Variants in TFEC observed in about 807,000 individuals in gnomAD.
TFEC encodes the protein class E basic helix-loop-helix protein 34.
A neutral mutation model predicts 41.6 loss-of-function variants in TFEC; 31 were observed. The ratio of observed to expected loss-of-function variants is 0.74; its 90% CI spans 0.56 to 1.01. TFEC has a LOEUF of 1.01. Ranked by LOEUF, TFEC falls within the 50% of genes least tolerant of loss-of-function variation. The probability of loss-of-function intolerance (pLI) is 0.00; values close to 1 mark genes in which losing one functional copy is unlikely to be tolerated. For synonymous variants in TFEC, 143 were observed against 140.6 expected (o/e 1.02, Z -0.12); for missense variants, 402 against 404.1 (o/e 0.99, Z 0.04).
intron 1 of TFEC, among the ~76,000 whole-genome samples, chr7:116,007,185 T>C (rs1285295531): frequency 6.6e-6 from 1 of 152,080 alleles, no homozygotes; most frequent in Non-Finnish European, 1.5e-5. Flanking sequence ...TTCTGACTAC[T>C]GAGAGAACTG....
In TFEC at chr7:116,158,134, A is replaced by T. The variant is rs574824758; in HGVS notation, c.-69+1656T>A. Among the ~76,000 whole-genome samples the T allele has an allele frequency of 9.2e-4, 140 of 152,224 alleles. 1 individual carries two copies. The highest frequency in any genetic ancestry group is 3.2e-3 in the African/African-American group (134 of 41,556). On this transcript the variant is annotated intron_variant, in intron 1 of 8. Coordinates refer to the TFEC transcript ENST00000484212. ...AGCTTCCCTTAAAAACTGAATAACT[A>T]CCCAAACTTTTGTTTTTGAAAACTT...
At chr7:116,098,866 A>T (rs1797533472) in intron 3 of TFEC, among the ~76,000 whole-genome samples, 1 of 114,952 alleles carries the variant, frequency 8.7e-6, no homozygotes, top group Non-Finnish European at 1.8e-5. Context: ...AGAGAGGAAG[A>T]AAAGGAAGGA....
chr7:116,008,698 G>A (rs142182819), intron 1 of TFEC, among the ~76,000 whole-genome samples: 1 of 152,238 alleles, frequency 6.6e-6, no homozygotes, highest in East Asian at 1.9e-4. Context: ...ACAGCAGTCT[G>A]TGGATATGAT....
chr7:116,103,890 G>A (rs1020549226), intron 3 of TFEC, among the ~76,000 whole-genome samples: 6 of 152,022 alleles, frequency 3.9e-5, no homozygotes, highest in Admixed American at 6.6e-5. Context: ...TAAAGAGGTC[G>A]CTACTAGTTA....
At chr7:116,083,020 T>C (rs920719916) in intron 3 of TFEC, among the ~76,000 whole-genome samples, 3 of 151,904 alleles carry the variant, frequency 2.0e-5, no homozygotes, top group Non-Finnish European at 2.9e-5. Flanking sequence ...ATGCTTTTAA[T>C]AAAGATAATG....
chr7:116,100,785 A>C (rs1211829410), intron 3 of TFEC, among the ~76,000 whole-genome samples: 2 of 152,106 alleles, frequency 1.3e-5, no homozygotes, highest in African/African-American at 4.8e-5. Context: ...CTATCTCAAC[A>C]AATAATTGCT....
At chr7:116,029,206 A>G (rs1795698737) in intron 1 of TFEC, among the ~76,000 whole-genome samples, 1 of 152,188 alleles carries the variant, frequency 6.6e-6, no homozygotes, top group African/African-American at 2.4e-5. Context: ...CAAACCAAGG[A>G]AATAGACATG....
At chr7:116,151,061 G>T (rs1203709845) in intron 1 of TFEC, among the ~76,000 whole-genome samples, 1 of 152,072 alleles carries the variant, frequency 6.6e-6, no homozygotes, top group Admixed American at 6.5e-5. Flanking sequence ...AAAGAATGCA[G>T]TGCACTGTTT....
upstream of TFEC, among the ~76,000 whole-genome samples, chr7:116,033,908 CT>C (rs946614682): frequency 6.6e-6 from 1 of 152,152 alleles, no homozygotes; most frequent in African/African-American, 2.4e-5. Context: ...TTCAATTCCT[CT>C]TTTCCCATTC....
chr7:116,105,740 T>G (rs1451048561), intron 3 of TFEC, among the ~76,000 whole-genome samples: 1 of 152,048 alleles, frequency 6.6e-6, no homozygotes, highest in Non-Finnish European at 1.5e-5. Context: ...ATGAAAGCTT[T>G]GCCTCACATC....
chr7:116,089,630 C>A (rs1387450307), intron 3 of TFEC, among the ~76,000 whole-genome samples: 1 of 151,254 alleles, frequency 6.6e-6, no homozygotes, highest in East Asian at 1.9e-4. Context: ...TATATAAAAC[C>A]TCTCATATAA....
chr7:116,133,244 T>C (rs899141011), intron 1 of TFEC, among the ~76,000 whole-genome samples: 3 of 110,624 alleles, frequency 2.7e-5, no homozygotes, highest in African/African-American at 1.2e-4. Context: ...ACGAAAATAA[T>C]TCTTTCCTTA....
intron 3 of TFEC, among the ~76,000 whole-genome samples, chr7:116,041,652 A>G (rs1158323471): frequency 6.6e-6 from 1 of 152,172 alleles, no homozygotes; most frequent in African/African-American, 2.4e-5. Context: ...TCTCCTGTGT[A>G]TAGATCTTGC....
rs572643992 is a variant in TFEC, at chr7:115,963,015, C to T, written c.268-6222G>A. ...ATCCCTCCCCCAGTCCCCCTCTCCC[C>T]GACCAGCCCCGGTGTTTGATATTCC... On this transcript the variant is annotated intron_variant, in intron 3 of 7. Coordinates refer to ENST00000265440, the MANE Select transcript of TFEC (RefSeq NM_012252.4). Among the ~76,000 whole-genome samples the T allele has an allele frequency of 9.9e-5, 15 of 151,724 alleles. 1 individual carries two copies. The South Asian group carries it at 1.5e-3, about 15-fold the overall frequency.
chr7:116,112,635 G>A (rs1797881522), intron 1 of TFEC, among the ~76,000 whole-genome samples: 1 of 151,766 alleles, frequency 6.6e-6, no homozygotes, highest in South Asian at 2.1e-4. Context: ...AGAGACTAAT[G>A]TTTTCTATGA....
At chr7:116,017,588 C>T (rs925039384) in intron 1 of TFEC, among the ~76,000 whole-genome samples, 6 of 152,062 alleles carry the variant, frequency 3.9e-5, no homozygotes, top group East Asian at 3.9e-4. Flanking sequence ...AGGTGATCAC[C>T]CAACTATCTA....
rs1337126632 is a variant in TFEC, at chr7:115,959,299, A to G, written c.268-2506T>C. Among the ~76,000 whole-genome samples, 3 of 151,778 alleles carry G rather than the reference A, an allele frequency of 2.0e-5. No homozygotes were observed. In the East Asian group the frequency reaches 5.8e-4, roughly 29 times the overall value. ...GCAGAGTCTACTTCTCTATAAGGCA[A>G]TACTTCTTTCTGATAGAAAAAAGTG... On this transcript the variant is annotated intron_variant, in intron 3 of 7. Coordinates refer to ENST00000265440, the MANE Select transcript of TFEC (RefSeq NM_012252.4).
rs1373775112 is a variant in TFEC at position 116,084,778 on chromosome 7, A to C, written c.198+25930T>G. On this transcript the variant is annotated intron_variant, in intron 3 of 8. Coordinates refer to the TFEC transcript ENST00000484212. ...AATCCTTTGTTTTTCTATGTATTTC[A>C]GTTTCAGTGGTATCCAGTAATTGTT... 2.0e-5 allele frequency among the ~76,000 whole-genome samples: 3 copies of C among 151,848 alleles called. No individual in the cohort carries two copies. In the Admixed American group the frequency reaches 2.0e-4, roughly 10 times the overall value.
Position 116,000,741 on chromosome 7 carries a change from CA to C in TFEC, c.-72-16229del, listed in dbSNP as rs576541540. Among the ~76,000 whole-genome samples the C allele has an allele frequency of 4.3e-3, 650 of 151,938 alleles. 5 individuals are homozygous for C. The highest frequency in any genetic ancestry group is 7.4e-3 in the Non-Finnish European group (500 of 67,912). On this transcript the variant is annotated intron_variant, in intron 1 of 7. Coordinates refer to ENST00000265440, the MANE Select transcript of TFEC (RefSeq NM_012252.4). ...TAAAATACCTAGGAATTAACTTAAC[CA>C]AAGAAGAGAAAGATCTCTACAATGT...
Sources: allele counts gnomAD v4.1 joint callset (sites outside exome capture counted in the v4.1 genomes callset), GRCh38; gene constraint gnomAD v4.1.1; transcripts MANE v1.5; gene names NCBI Gene and HGNC (gene_info 2026-07-23, HGNC 2026-07-21).